Variants in MTCH1 observed in about 807,000 individuals in gnomAD.
MTCH1 encodes the protein mitochondrial carrier homolog 1.
MTCH1 carries 23 observed loss-of-function variants against 49.3 expected under a neutral mutation model. The ratio of observed to expected loss-of-function variants is 0.47; its 90% confidence interval spans 0.34 to 0.66. The LOEUF (loss-of-function observed/expected upper bound fraction) is 0.66. Among genes scored for constraint, MTCH1 ranks in the 30% least tolerant of loss-of-function variants. The pLI is 0.01. For synonymous variants in MTCH1, 229 were observed against 215.2 expected (o/e 1.06, Z -0.56); for missense variants, 397 against 532.1 (o/e 0.75, Z 2.50).
chr6:36,968,531 T>A lies in MTCH1; in HGVS notation c.*372A>T, dbSNP rs1461910885. On this transcript the variant is annotated 3_prime_UTR_variant, in exon 12 of 12. Transcript: ENST00000373627. The stretch of plus-strand genomic sequence containing the variant: ...CTGAGCTGCAGGATGGGCGCTGGGC[T>A]GACTGGAGGGGTAGACGGGGTGGGG... The A allele has an allele frequency of 2.7e-6, 1 of 368,144 alleles. No homozygotes were observed. Among genetic ancestry groups the A allele is most frequent in the African/African-American group, 2.1e-5 (1 of 47,056 alleles). 22.8% of individuals were successfully genotyped at this position (368,144 alleles called of 1,614,324 possible).
Position 36,975,640 on chromosome 6 carries a change from G to A in MTCH1, c.761+18C>T. The A allele has an allele frequency of 6.2e-7, 1 of 1,613,220 alleles. No homozygotes were observed. On this transcript the variant is annotated intron_variant, in intron 7 of 11. Transcript: ENST00000373627. Reference sequence around the variant, plus strand: ...AGCCATGCCCGTGGCCAGTTATGGGGTGTATAAACTCACGTACACGAAGAA... The same window carrying A: ...AGCCATGCCCGTGGCCAGTTATGGGATGTATAAACTCACGTACACGAAGAA...
In MTCH1 at chr6:36,977,015, C is replaced by T. The variant is rs979426518; in HGVS notation, c.701+184G>A. ...TAGGGCTGCCCTTGATAAGAGATGA[C>T]GAAGAGAAAATGACCCTGGACAGAC... On this transcript the variant is annotated intron_variant, in intron 6 of 11. Coordinates refer to ENST00000373627, the MANE Select transcript of MTCH1 (RefSeq NM_001271641.2). This position sits in a 1 kb window ranked among gnomAD's most constrained non-coding sequence, Gnocchi z 5.4. Among the ~76,000 whole-genome samples the T allele has an allele frequency of 2.6e-4, 39 of 152,110 alleles. No individual in the cohort carries two copies. Among genetic ancestry groups the T allele is most frequent in the Admixed American group, 1.3e-4 (2 of 15,276 alleles).
chr6:36,970,695 C>G lies in MTCH1; in HGVS notation c.907-1G>C. ...TCCGGATGGCCAGGGCCTGGCTGAA[C>G]TGAGGAGACAGAAGGGAAGAGTGGT... On this transcript the variant is annotated splice_acceptor_variant, in intron 8 of 11. Transcript: ENST00000373627. LOFTEE classifies it high-confidence loss of function. 6.2e-7 allele frequency: 1 copy of G among 1,614,104 alleles called. No individual in the cohort carries two copies. The highest frequency in any genetic ancestry group is 8.5e-7 in the Non-Finnish European group (1 of 1,180,020).
Position 36,977,474 on chromosome 6 carries a change from C to T in MTCH1, c.649+160G>A, listed in dbSNP as rs1385459068. ...ACCTCCCTTTGGAAAGAATTCCAAT[C>T]TCTCCTCAGTGAGGTGGGTTCCAGT... On this transcript the variant is annotated intron_variant, in intron 5 of 11. Transcript: ENST00000373627. This position sits in a 1 kb window ranked among gnomAD's most constrained non-coding sequence, Gnocchi z 5.4. 6.6e-6 allele frequency among the ~76,000 whole-genome samples: 1 copy of T among 152,168 alleles called. No homozygotes were observed. The highest frequency in any genetic ancestry group is 1.5e-5 in the Non-Finnish European group (1 of 68,020).
chr6:36,980,380 AG>A lies in MTCH1; in HGVS notation c.406+1207del, dbSNP rs547284075. Among the ~76,000 whole-genome samples, 89 of 152,368 alleles carry A rather than the reference AG, an allele frequency of 5.8e-4. 1 individual carries two copies. The highest frequency in any genetic ancestry group is 3.4e-3 in the Middle Eastern group (1 of 294). ...ACCAGATCCAGAAAAAGCCCCGTGC[AG>A]GGCCGCAGCCATCTGCCCCGGCTGC... On this transcript the variant is annotated intron_variant, in intron 2 of 11. Coordinates refer to ENST00000373627, the MANE Select transcript of MTCH1 (RefSeq NM_001271641.2).
In MTCH1 at chr6:36,985,874, G is replaced by C. The variant is rs373599497; in HGVS notation, c.300C>G (p.Leu100=). Residue 100 remains leucine, a synonymous_variant, in exon 1 of 12, where the codon CTC becomes CTG. Transcript: ENST00000373627. ...CCACCTGGATGAGCAGCTTCACGTA[G>C]AGCAGGGGATGGCTGAGCGCCGTCA... ...AGVTALSHPL[L]YVKLLIQVGH... is the part of the protein sequence containing the mutation. 40 of 1,559,632 alleles carry C rather than the reference G, an allele frequency of 2.6e-5. No individual in the cohort carries two copies. The highest frequency in any genetic ancestry group is 1.7e-4 in the Admixed American group (9 of 51,906).
In MTCH1 at chr6:36,977,883, C is replaced by T. The variant is rs776790892; in HGVS notation, c.592-192G>A. ...CCCAGGAGTGCTGTCGGGTCCCAGG[C>T]TAGGCCCAACAATGGCTGAGAAGGC... On this transcript the variant is annotated intron_variant, in intron 4 of 11. Coordinates refer to ENST00000373627, the MANE Select transcript of MTCH1 (RefSeq NM_001271641.2). The surrounding 1 kb of genome is among the most constrained non-coding windows in gnomAD (Gnocchi z 5.4). 2.9e-4 allele frequency among the ~76,000 whole-genome samples: 44 copies of T among 152,224 alleles called. No individual in the cohort carries two copies. Among genetic ancestry groups the T allele is most frequent in the Non-Finnish European group, 4.3e-4 (29 of 68,034 alleles).
chr6:36,978,212 C>A, intron 3 of MTCH1, 57 bp from the exon 4 acceptor site: 2 of 1,475,550 alleles, frequency 1.4e-6, no homozygotes, highest in Admixed American at 3.4e-5. Context: ...TGGAACTCTT[C>A]GGGGACTTGG....
chr6:36,969,610 T>C (rs1354885562), intron 11 of MTCH1: 3 of 1,186,392 alleles, frequency 2.5e-6, no homozygotes, highest in Middle Eastern at 3.8e-4. Flanking sequence ...CCCAGGAATG[T>C]CCTGCAGGAG....
rs1275933750 is a variant in MTCH1 at position 36,977,132 on chromosome 6, C to A, written c.701+67G>T. On this transcript the variant is annotated intron_variant, in intron 6 of 11. Coordinates refer to ENST00000373627, the MANE Select transcript of MTCH1 (RefSeq NM_001271641.2). This position sits in a 1 kb window ranked among gnomAD's most constrained non-coding sequence, Gnocchi z 5.4. ...GAAAAGGTGCAGCAACCAATCCCAG[C>A]ACGGCCTGCCCTGGCCGACTCTGAA... 2 of 1,539,192 alleles carry A rather than the reference C, an allele frequency of 1.3e-6. No individual in the cohort carries two copies. Among genetic ancestry groups the A allele is most frequent in the African/African-American group, 2.7e-5 (2 of 73,386 alleles).
intron 10 of MTCH1, 23 bp downstream of exon 10, chr6:36,970,383 C>A: frequency 6.2e-7 from 1 of 1,613,614 alleles, no homozygotes; most frequent in Non-Finnish European, 8.5e-7. Context: ...GGTAGAGTGG[C>A]AAGTAGAGGG....
At position 36,975,670 on chromosome 6, in the gene MTCH1, A is replaced by T; in HGVS notation, c.749T>A (p.Leu250Gln). 1 of 1,614,146 alleles carries T rather than the reference A, an allele frequency of 6.2e-7. No homozygotes were observed. The highest frequency in any genetic ancestry group is 1.1e-5 in the South Asian group (1 of 91,090). ...IGKIFKEEGL[L>Q]GFFVGLIPHL... ...TAAACTCACGTACACGAAGAATCCC[A>T]GCAGCCCTTCCTCTTTGAAAATCTT... The change falls in exon 7 of 12, where the codon CTG becomes CAG. Residue 250 changes from leucine (L) to glutamine (Q), a missense_variant. Coordinates refer to ENST00000373627, the MANE Select transcript of MTCH1 (RefSeq NM_001271641.2).
chr6:36,977,752 G>A lies in MTCH1; in HGVS notation c.592-61C>T, dbSNP rs1220673774. 1.1e-5 allele frequency: 16 copies of A among 1,454,234 alleles called. No individual in the cohort carries two copies. Among genetic ancestry groups the A allele is most frequent in the Middle Eastern group, 1.7e-4 (1 of 5,742 alleles). The allele number at this position is 1,454,234 out of a possible 1,614,324, so 90.1% of individuals were successfully genotyped here. A position where few individuals can be genotyped will look rare whatever the true frequency, so the allele number is the denominator to read the frequency against. Reference sequence around the variant, plus strand: ...CGGCCTGTCTCTGGAACTGGCCCTCGAGGGGAGCTACAAGTGCTCAGGAGG... The same window carrying A: ...CGGCCTGTCTCTGGAACTGGCCCTCAAGGGGAGCTACAAGTGCTCAGGAGG... On this transcript the variant is annotated intron_variant, in intron 4 of 11. Transcript: ENST00000373627. This position sits in a 1 kb window ranked among gnomAD's most constrained non-coding sequence, Gnocchi z 5.4.
At chr6:36,986,291 G>A (rs959666228), upstream of MTCH1, 137 of 993,998 alleles carry the variant, frequency 1.4e-4, no homozygotes, top group Non-Finnish European at 1.8e-4. Context: ...GGAGCGTGGT[G>A]CGGCGGGTGG....
At chr6:36,984,612 G>A (rs1195474386) in intron 1 of MTCH1, among the ~76,000 whole-genome samples, 1 of 151,624 alleles carries the variant, frequency 6.6e-6, no homozygotes, top group Admixed American at 6.6e-5. Context: ...CTCCCCCCAA[G>A]CTTCTTAACT....
At position 36,978,610 on chromosome 6, in the gene MTCH1, G is replaced by T. The variant is rs146628085; in HGVS notation, c.408C>A (p.Ala136=). The stretch of plus-strand genomic sequence containing the variant: ...TACCATCCACTTGCACGATGTACTT[G>T]GCTGTAAGAAAACAGAGGTGGCAGA... ...VLYLPSFFTY[A]KYIVQVDGKI... The change falls in exon 3 of 12, where the codon GCC becomes GCA. Residue 136 remains alanine, a splice_region_variant and synonymous_variant. Transcript: ENST00000373627. 224 of 1,613,862 alleles carry T rather than the reference G, an allele frequency of 1.4e-4. 2 individuals carry two copies. In the African/African-American group the frequency reaches 2.7e-3, roughly 20 times the overall value.
At position 36,972,546 on chromosome 6, in the gene MTCH1, T is replaced by C; in HGVS notation, c.906+106A>G. 1 of 1,359,220 alleles carries C rather than the reference T, an allele frequency of 7.4e-7. No homozygotes were observed. The highest frequency in any genetic ancestry group is 9.9e-7 in the Non-Finnish European group (1 of 1,013,964). The allele number at this position is 1,359,220 out of a possible 1,614,324, so 84.2% of individuals were successfully genotyped here. A position where few individuals can be genotyped will look rare whatever the true frequency, so the allele number is the denominator to read the frequency against. Reference sequence around the variant, plus strand: ...TCCAGGGATAATGAGAGGTCCTCTCTCACCCTCCCGGCCTGATGCTGAGAA... The same window carrying C: ...TCCAGGGATAATGAGAGGTCCTCTCCCACCCTCCCGGCCTGATGCTGAGAA... On this transcript the variant is annotated intron_variant, in intron 8 of 11. Coordinates refer to ENST00000373627, the MANE Select transcript of MTCH1 (RefSeq NM_001271641.2). The surrounding 1 kb of genome is among the most constrained non-coding windows in gnomAD (Gnocchi z 4.1).
chr6:36,970,467 C>T lies in MTCH1; in HGVS notation c.961G>A (p.Val321Met). ...AGGAAGGGGTAGGTCAGCATGCTCA[C>T]TGCAATCTGAAACCCAGAGAGGCCT... ...SYTKFVMGIA[V>M]SMLTYPFLLV... The change falls in exon 10 of 12, where the codon GTG becomes ATG. Residue 321 changes from valine to methionine, a missense_variant. Coordinates refer to ENST00000373627, the MANE Select transcript of MTCH1 (RefSeq NM_001271641.2). The T allele has an allele frequency of 6.2e-7, 1 of 1,614,198 alleles. No individual in the cohort carries two copies. The highest frequency in any genetic ancestry group is 1.3e-5 in the African/African-American group (1 of 75,064).
chr6:36,980,591 G>A (rs908204887), intron 2 of MTCH1, among the ~76,000 whole-genome samples: 8 of 152,220 alleles, frequency 5.3e-5, no homozygotes, highest in South Asian at 4.1e-4. Flanking sequence ...AACTGGAAGA[G>A]AAATATGACA....
Sources: gnomAD v4.1 joint callset for allele counts (sites outside exome capture counted in the v4.1 genomes callset) on GRCh38, gnomAD v4.1.1 for gene constraint, Gnocchi (gnomAD v3.1) non-coding constraint, MANE v1.5 for transcripts, NCBI Gene and HGNC (gene_info 2026-07-23, HGNC 2026-07-21) for gene names.